The following MRPL3 variants were observed in gnomAD, a reference collection of about 807,000 sequenced individuals.
The protein encoded by MRPL3 is large ribosomal subunit protein uL3m.
MRPL3 carries 43 observed loss-of-function variants against 44.3 expected under a neutral mutation model. That is an observed-to-expected ratio of 0.97 (90% confidence interval 0.76 to 1.25). The LOEUF (loss-of-function observed/expected upper bound fraction) is 1.25. MRPL3 is among the 50% of genes most tolerant of loss of function. MRPL3 has a pLI of 0.00. For synonymous variants in MRPL3, 171 were observed against 152.3 expected (o/e 1.12, Z -0.91); for missense variants, 406 against 427.6 (o/e 0.95, Z 0.45).
At chr3:131,472,492 C>T (rs1475761321) in intron 6 of MRPL3, among the ~76,000 whole-genome samples, 1 of 152,094 alleles carries the variant, frequency 6.6e-6, no homozygotes, top group East Asian at 1.9e-4. Context: ...GACAAACATA[C>T]TGATGTTATG....
At chr3:131,499,327 C>T (rs913069861) in intron 3 of MRPL3, among the ~76,000 whole-genome samples, 4 of 152,040 alleles carry the variant, frequency 2.6e-5, no homozygotes, top group African/African-American at 9.7e-5. Flanking sequence ...AGTTTGTTGG[C>T]GTTAAGTGTG....
chr3:131,478,363 T>C (rs905567065), intron 6 of MRPL3, among the ~76,000 whole-genome samples: 1 of 152,140 alleles, frequency 6.6e-6, no homozygotes, highest in Non-Finnish European at 1.5e-5. Context: ...CAAGTTATCC[T>C]ACCACAGGGC....
At chr3:131,485,481 G>A (rs1421197058) in intron 6 of MRPL3, among the ~76,000 whole-genome samples, 1 of 152,118 alleles carries the variant, frequency 6.6e-6, no homozygotes, top group African/African-American at 2.4e-5. Context: ...AAATTAACAA[G>A]TAAAATAATC....
chr3:131,466,213 G>GAA (rs759364645), intron 9 of MRPL3, among the ~76,000 whole-genome samples: 1 of 150,986 alleles, frequency 6.6e-6, no homozygotes. Flanking sequence ...ACCTAGAAAT[G>GAA]AAAAAAAATA....
At chr3:131,471,465 G>A (rs1933741599) in intron 6 of MRPL3, 186 bp from the exon 7 acceptor site, 1 of 538,082 alleles carries the variant, frequency 1.9e-6, no homozygotes, top group Non-Finnish European at 3.3e-6. Context: ...GTCTTGGTCT[G>A]CACCCCTTCC....
At chr3:131,470,632 A>C (rs900745404) in intron 7 of MRPL3, among the ~76,000 whole-genome samples, 13 of 150,856 alleles carry the variant, frequency 8.6e-5, no homozygotes, top group Non-Finnish European at 1.3e-4. Flanking sequence ...ACACACACAC[A>C]CCCCTCTGTT....
chr3:131,482,212 C>G (rs571448729), intron 6 of MRPL3, among the ~76,000 whole-genome samples: 6 of 152,130 alleles, frequency 3.9e-5, no homozygotes, highest in Admixed American at 1.3e-4. Context: ...TCCTCCACCC[C>G]CCTCCCCTTA....
rs1410953473 is a variant in MRPL3, at chr3:131,501,573, G to C, written c.235C>G (p.Pro79Ala). ...DKAQLASKLC[P>A]LKDEPWPIHP... ...ATAGGCCATGGTTCATCTTTCAGAG[G>C]ACACAGTTTACTTGCTAATTGGGCT... Residue 79 changes from proline to alanine, a missense_variant, in exon 2 of 10, where the codon CCT becomes GCT. Physicochemically the swap from Pro to Ala is conservative, Grantham distance 27. Transcript: ENST00000264995. 4.3e-6 allele frequency: 7 copies of C among 1,611,982 alleles called. No individual in the cohort carries two copies. The highest frequency in any genetic ancestry group is 5.9e-6 in the Non-Finnish European group (7 of 1,179,938).
chr3:131,496,468 T>A (rs895830514), intron 4 of MRPL3, among the ~76,000 whole-genome samples: 1 of 152,210 alleles, frequency 6.6e-6, no homozygotes, highest in African/African-American at 2.4e-5. Flanking sequence ...ATAAACCATG[T>A]CACAGATTTC....
chr3:131,481,442 A>G (rs1306297610), intron 6 of MRPL3, among the ~76,000 whole-genome samples: 6 of 152,228 alleles, frequency 3.9e-5, no homozygotes, highest in African/African-American at 7.2e-5. Context: ...CTGTCATTCA[A>G]TCTTTGTAAT....
In MRPL3 at chr3:131,479,738, G is replaced by A. The variant is rs573251462; in HGVS notation, c.629+7942C>T. Among the ~76,000 whole-genome samples, 138 of 152,288 alleles carry A rather than the reference G, an allele frequency of 9.1e-4. 1 individual carries two copies. Among genetic ancestry groups the A allele is most frequent in the Admixed American group, 2.2e-3 (33 of 15,302 alleles). On this transcript the variant is annotated intron_variant, in intron 6 of 9. Coordinates refer to ENST00000264995, the MANE Select transcript of MRPL3 (RefSeq NM_007208.4). ...CAGGCACCTGTAGTCCCAGCTACTC[G>A]GGAGGCTGAGGCAGGAGAATGGCAT...
intron 4 of MRPL3, among the ~76,000 whole-genome samples, chr3:131,492,054 T>A (rs907044364): frequency 6.6e-6 from 1 of 152,126 alleles, no homozygotes; most frequent in Non-Finnish European, 1.5e-5. Context: ...CCTTTGCGCA[T>A]CCTATTGCCT....
intron 7 of MRPL3, 127 bp from the exon 8 acceptor site, chr3:131,469,900 C>T: frequency 1.7e-6 from 1 of 587,836 alleles, no homozygotes; most frequent in Non-Finnish European, 2.9e-6. Flanking sequence ...TCTGCTAGGT[C>T]CCAAGTAAGG....
At chr3:131,498,150 G>A (rs1272853748) in intron 4 of MRPL3, 29 bp downstream of exon 4, 18 of 1,373,028 alleles carry the variant, frequency 1.3e-5, no homozygotes, top group Non-Finnish European at 1.8e-5. Flanking sequence ...GAAAAATGCA[G>A]TATTCTAGCT....
intron 4 of MRPL3, among the ~76,000 whole-genome samples, chr3:131,492,184 GTCACTTAT>G (rs1559829705): frequency 1.3e-5 from 2 of 151,868 alleles, no homozygotes; most frequent in Admixed American, 1.3e-4. Context: ...ATCATTTTTT[GTCACTTAT>G]CCCCTCAGCC....
chr3:131,501,064 C>T (rs1301680435), intron 2 of MRPL3, among the ~76,000 whole-genome samples: 3 of 152,206 alleles, frequency 2.0e-5, no homozygotes, highest in Non-Finnish European at 4.4e-5. Context: ...AGGGACCACA[C>T]ACTTAATAGA....
rs376550138 is a variant in MRPL3 at position 131,471,150 on chromosome 3, A to T, written c.738+21T>A. ...AAGTTGAATATTTAGCATTAAAAAG[A>T]GCTTCACTAGTTATACTCACACCAG... On this transcript the variant is annotated intron_variant, in intron 7 of 9. Coordinates refer to ENST00000264995, the MANE Select transcript of MRPL3 (RefSeq NM_007208.4). 64 of 1,502,484 alleles carry T rather than the reference A, an allele frequency of 4.3e-5. No individual in the cohort carries two copies. In the African/African-American group the frequency reaches 7.3e-4, roughly 17 times the overall value. 93.1% of individuals were successfully genotyped at this position (1,502,484 alleles called of 1,614,324 possible).
intron 6 of MRPL3, among the ~76,000 whole-genome samples, chr3:131,483,842 C>T (rs944786085): frequency 1.2e-4 from 19 of 152,012 alleles, no homozygotes; most frequent in African/African-American, 4.6e-4. Context: ...TTCTAAAGTA[C>T]ATTTAACTCA....
chr3:131,473,993 T>C (rs889761800), intron 6 of MRPL3, among the ~76,000 whole-genome samples: 2 of 152,178 alleles, frequency 1.3e-5, no homozygotes, highest in Non-Finnish European at 2.9e-5. Context: ...GAAAACAGTA[T>C]GGAAGCATCC....
Sources: allele counts gnomAD v4.1 joint callset (sites outside exome capture counted in the v4.1 genomes callset), GRCh38; gene constraint gnomAD v4.1.1; transcripts MANE v1.5; gene names NCBI Gene and HGNC (gene_info 2026-07-23, HGNC 2026-07-21).